Variants in DCLK1 observed in about 807,000 individuals in gnomAD.
The protein encoded by DCLK1 is doublecortin like kinase 1.
DCLK1 carries 16 observed loss-of-function variants against 86.2 expected under a neutral mutation model. That is an observed-to-expected ratio of 0.19 (90% CI 0.13 to 0.28). The LOEUF (loss-of-function observed/expected upper bound fraction) is 0.28. Ranked by LOEUF, DCLK1 falls within the 10% of genes least tolerant of loss-of-function variation. The probability of loss-of-function intolerance (pLI) is 1.00; values close to 1 mark genes in which losing one functional copy is unlikely to be tolerated. For missense variants in DCLK1, 590 were observed against 940.2 expected (o/e 0.63, Z 4.87); for synonymous variants, 369 against 370.5 (o/e 1.00, Z 0.05).
chr13:35,857,501 C>G (rs190022034), intron 5 of DCLK1, among the ~76,000 whole-genome samples: 215 of 152,334 alleles, frequency 1.4e-3, no homozygotes, highest in African/African-American at 4.5e-3. Flanking sequence ...AAGCAGCCCA[C>G]CCTGAACTCT....
intron 3 of DCLK1, among the ~76,000 whole-genome samples, chr13:36,102,189 CTTTTT>C (rs60965913): frequency 7.2e-6 from 1 of 138,432 alleles, no homozygotes; most frequent in African/African-American, 2.7e-5. Context: ...CTAGTCTAAT[CTTTTT>C]TTTTTTTTTT....
chr13:35,850,523 T>C lies in DCLK1; in HGVS notation c.1035+3976A>G, dbSNP rs1870536265. The C allele has an allele frequency of 3.2e-6, 4 of 1,248,562 alleles. No homozygotes were observed. The East Asian group carries it at 1.3e-4, about 41-fold the overall frequency. 77.3% of individuals were successfully genotyped at this position (1,248,562 alleles called of 1,614,324 possible). ...TCCCCAATCAAATCCATGTGGGAGA[T>C]ATTTTTAAAAATCTCTCAATTTCAA... On this transcript the variant is annotated intron_variant, in intron 6 of 16. Coordinates refer to ENST00000360631, the MANE Select transcript of DCLK1 (RefSeq NM_001330071.2).
At chr13:35,958,249 C>T in intron 3 of DCLK1, among the ~76,000 whole-genome samples, 1 of 142,226 alleles carries the variant, frequency 7.0e-6, no homozygotes, top group Non-Finnish European at 1.6e-5. Flanking sequence ...ATCACCACCA[C>T]CACTACCACT....
At chr13:35,901,448 C>T (rs534501140) in intron 4 of DCLK1, among the ~76,000 whole-genome samples, 4 of 135,250 alleles carry the variant, frequency 3.0e-5, no homozygotes, top group Non-Finnish European at 6.1e-5. Flanking sequence ...TGGGATTGTG[C>T]CACTGCACTC....
At chr13:36,089,029 T>TA (rs1032762343) in intron 3 of DCLK1, among the ~76,000 whole-genome samples, 2 of 152,214 alleles carry the variant, frequency 1.3e-5, no homozygotes, top group East Asian at 1.9e-4. Context: ...ATCTTTTTTT[T>TA]AAAAAAATTC....
At chr13:35,801,126 C>T (rs2086910757) in intron 15 of DCLK1, among the ~76,000 whole-genome samples, 1 of 152,168 alleles carries the variant, frequency 6.6e-6, no homozygotes, top group Admixed American at 6.5e-5. Context: ...TTTTTGACAA[C>T]GTCCTTACGG....
chr13:35,918,686 C>T (rs1875580056), intron 4 of DCLK1, among the ~76,000 whole-genome samples: 1 of 152,070 alleles, frequency 6.6e-6, no homozygotes, highest in Non-Finnish European at 1.5e-5. Flanking sequence ...AATCGCCTAG[C>T]CTTCCTAAGC....
At chr13:36,065,315 C>G (rs1883708191) in intron 3 of DCLK1, among the ~76,000 whole-genome samples, 1 of 152,144 alleles carries the variant, frequency 6.6e-6, no homozygotes, top group Non-Finnish European at 1.5e-5. Flanking sequence ...CATGTGGGCA[C>G]AGAATAAGGA....
Position 35,769,706 on chromosome 13 carries a change from A to G in DCLK1, c.*4829T>C, listed in dbSNP as rs1593570449. On this transcript the variant is annotated 3_prime_UTR_variant, in exon 17 of 17. Coordinates refer to ENST00000360631, the MANE Select transcript of DCLK1 (RefSeq NM_001330071.2). ...TAGTAGCAACAGTGAAGACTTTAGA[A>G]CTATTACTTACTTTAAATTATTAAA... 1 of 152,224 alleles carries G rather than the reference A, an allele frequency of 6.6e-6. No individual in the cohort carries two copies. The highest frequency in any genetic ancestry group is 1.9e-4 in the East Asian group (1 of 5,202). The allele number at this position is 152,224 out of a possible 1,614,324, so 9.4% of individuals were successfully genotyped here.
At chr13:35,942,321 C>G (rs1877131129) in intron 4 of DCLK1, among the ~76,000 whole-genome samples, 1 of 152,066 alleles carries the variant, frequency 6.6e-6, no homozygotes, top group Non-Finnish European at 1.5e-5. Context: ...TGCATGCCAC[C>G]ACACCCAGCT....
intron 3 of DCLK1, among the ~76,000 whole-genome samples, chr13:35,975,794 T>A (rs945889254): frequency 2.6e-5 from 4 of 152,166 alleles, no homozygotes; most frequent in African/African-American, 7.2e-5. Context: ...TGATGTCTAA[T>A]GACATCTGGG....
At chr13:36,052,917 GTC>G (rs1432640159) in intron 3 of DCLK1, among the ~76,000 whole-genome samples, 1 of 152,152 alleles carries the variant, frequency 6.6e-6, no homozygotes, top group African/African-American at 2.4e-5. Flanking sequence ...CTGCTAAGTA[GTC>G]TCTCAGCCTG....
intron 5 of DCLK1, among the ~76,000 whole-genome samples, chr13:35,864,086 T>C (rs1418663061): frequency 3.9e-5 from 6 of 152,198 alleles, no homozygotes; most frequent in Non-Finnish European, 8.8e-5. Context: ...AGATTCTCAA[T>C]GCATACTGAA....
chr13:35,866,606 T>A (rs1871809710), intron 5 of DCLK1, among the ~76,000 whole-genome samples: 1 of 148,554 alleles, frequency 6.7e-6, no homozygotes, highest in Non-Finnish European at 1.5e-5. Context: ...CATTCCAGGC[T>A]AATTTTTGTA....
Position 35,813,582 on chromosome 13 carries a change from A to G in DCLK1, c.1555-2614T>C, listed in dbSNP as rs180865356. Among the ~76,000 whole-genome samples the G allele has an allele frequency of 4.4e-3, 677 of 152,302 alleles. 3 individuals carry two copies. The highest frequency in any genetic ancestry group is 0.016 in the African/African-American group (647 of 41,578). ...ACTAAAAATCTTCCTTAAAATAAAG[A>G]AAATGAGTACTAATACAAAATGATT... On this transcript the variant is annotated intron_variant, in intron 11 of 16. Coordinates refer to ENST00000360631, the MANE Select transcript of DCLK1 (RefSeq NM_001330071.2).
chr13:35,979,513 G>T (rs940490597), intron 3 of DCLK1, among the ~76,000 whole-genome samples: 2 of 152,126 alleles, frequency 1.3e-5, no homozygotes, highest in Non-Finnish European at 2.9e-5. Context: ...GATCCCAAAG[G>T]CCCACTCGTT....
chr13:35,983,429 T>C (rs1294985881), intron 3 of DCLK1, among the ~76,000 whole-genome samples: 1 of 152,154 alleles, frequency 6.6e-6, no homozygotes. Context: ...CTGCTCACCA[T>C]GTCCTGGTCC....
intron 1 of DCLK1, among the ~76,000 whole-genome samples, 179 bp downstream of exon 1, chr13:36,130,935 G>A (rs1430887568): frequency 6.6e-6 from 1 of 151,920 alleles, no homozygotes; most frequent in East Asian, 1.9e-4. Context: ...CCCCCGGGTC[G>A]GGCCAGGCTG....
intron 3 of DCLK1, among the ~76,000 whole-genome samples, chr13:35,995,438 A>G (rs758074796): frequency 6.6e-6 from 1 of 152,240 alleles, no homozygotes; most frequent in Non-Finnish European, 1.5e-5. Flanking sequence ...ATCAGAGGAC[A>G]AAGACAAGGA....
Sources: gnomAD v4.1 joint callset for allele counts (sites outside exome capture counted in the v4.1 genomes callset) on GRCh38, gnomAD v4.1.1 for gene constraint, MANE v1.5 for transcripts, NCBI Gene and HGNC (gene_info 2026-07-23, HGNC 2026-07-21) for gene names.